SPAST: variants seen among roughly 807,000 people sequenced by gnomAD.
SPAST encodes spastin.
SPAST carries 30 observed loss-of-function variants against 76.6 expected under a neutral mutation model. The observed-to-expected ratio is 0.39, with a 90% CI of 0.29 to 0.53. The LOEUF (loss-of-function observed/expected upper bound fraction) is 0.53, where lower values mean the gene tolerates loss of function less well. Ranked by LOEUF, SPAST falls within the 20% of genes least tolerant of loss-of-function variation. The probability of loss-of-function intolerance (pLI) is 0.68; values close to 1 mark genes in which losing one functional copy is unlikely to be tolerated. For synonymous variants in SPAST, 305 were observed against 281.0 expected, an observed-to-expected ratio of 1.09 and a Z score of -0.86; for missense variants, 717 against 770.5, an observed-to-expected ratio of 0.93 and a Z score of 0.82.
chr2:32,082,856 C>G (rs1232555123), intron 1 of SPAST, among the ~76,000 whole-genome samples: 1 of 152,104 alleles, frequency 6.6e-6, no homozygotes, highest in African/African-American at 2.4e-5. Flanking sequence ...TAGTTTGTTT[C>G]TTTTTAATGC....
intron 12 of SPAST, among the ~76,000 whole-genome samples, chr2:32,138,344 A>G (rs186726216): frequency 5.8e-4 from 89 of 152,204 alleles, no homozygotes; most frequent in Admixed American, 5.7e-3. Context: ...TCTGTAGACA[A>G]TATGGGATTT....
chr2:32,077,558 G>A (rs978617241), intron 1 of SPAST, among the ~76,000 whole-genome samples: 6 of 152,036 alleles, frequency 3.9e-5, no homozygotes, highest in Non-Finnish European at 1.5e-5. Flanking sequence ...GGAGTTTGAC[G>A]CCCAGACAGA....
chr2:32,091,633 C>T (rs566802892), intron 3 of SPAST, among the ~76,000 whole-genome samples: 105 of 150,732 alleles, frequency 7.0e-4, no homozygotes, highest in African/African-American at 2.4e-3. Context: ...GAGATTGAGA[C>T]CATCCTGGCT....
Position 32,090,057 on chromosome 2 carries a change from C to G in SPAST, c.586+452C>G, listed in dbSNP as rs565329421. Among the ~76,000 whole-genome samples the G allele has an allele frequency of 5.3e-5, 8 of 152,358 alleles. No individual in the cohort carries two copies. The South Asian group carries it at 1.7e-3, about 32-fold the overall frequency. On this transcript the variant is annotated intron_variant, in intron 3 of 16. Transcript: ENST00000315285. ...GGAGTTACAGGCGTGAGCCAACGCG[C>G]CCAGCCGAGCATAATGAACTTCTAA... is the stretch of plus-strand genomic sequence containing the variant.
intron 12 of SPAST, among the ~76,000 whole-genome samples, chr2:32,139,455 G>A (rs1050949054): frequency 2.6e-5 from 4 of 152,158 alleles, no homozygotes; most frequent in Non-Finnish European, 5.9e-5. Flanking sequence ...CAAAAAATTA[G>A]TACCATTTCT....
At chr2:32,074,888 A>G (rs186223160) in intron 1 of SPAST, among the ~76,000 whole-genome samples, 34 of 152,246 alleles carry the variant, frequency 2.2e-4, no homozygotes, top group African/African-American at 7.5e-4. Context: ...AGTCCTGACC[A>G]TATAGGATCT....
rs1399404628 is a variant in SPAST, at chr2:32,156,513, C to A, written c.*2017C>A. On this transcript the variant is annotated 3_prime_UTR_variant, in exon 17 of 17. Transcript: ENST00000315285. ...CATATGTTAGGTGATGGGTAGTATC[C>A]CTTTAAGGTCTCAAACATTACAACA... is the stretch of plus-strand genomic sequence containing the variant. 6.6e-6 allele frequency: 1 copy of A among 151,442 alleles called. No individual in the cohort carries two copies. The highest frequency in any genetic ancestry group is 6.6e-5 in the Admixed American group (1 of 15,182). The allele number at this position is 151,442 out of a possible 1,614,324, so 9.4% of individuals were successfully genotyped here. A position where few individuals can be genotyped will look rare whatever the true frequency, so the allele number is the denominator to read the frequency against.
At position 32,155,492 on chromosome 2, in the gene SPAST, C is replaced by A. The variant is rs1680223490; in HGVS notation, c.*996C>A. Reference sequence around the variant, plus strand: ...AATTATAAGCAAGTGGAACTACCATCTTTTATTCTTAATAATTATTAATCC... The same window carrying A: ...AATTATAAGCAAGTGGAACTACCATATTTTATTCTTAATAATTATTAATCC... On this transcript the variant is annotated 3_prime_UTR_variant, in exon 17 of 17. Transcript: ENST00000315285. 2 of 152,572 alleles carry A rather than the reference C, an allele frequency of 1.3e-5. No homozygotes were observed. The highest frequency in any genetic ancestry group is 1.9e-4 in the East Asian group (1 of 5,188). The allele number at this position is 152,572 out of a possible 1,614,324, so 9.5% of individuals were successfully genotyped here.
intron 16 of SPAST, among the ~76,000 whole-genome samples, chr2:32,152,258 A>T (rs1299453548): frequency 6.6e-6 from 1 of 152,170 alleles, no homozygotes; most frequent in Non-Finnish European, 1.5e-5. Context: ...GTACAATTAC[A>T]TCAACATCTT....
intron 4 of SPAST, among the ~76,000 whole-genome samples, chr2:32,112,705 AT>A (rs1558322014): frequency 6.6e-6 from 1 of 152,114 alleles, no homozygotes; most frequent in Admixed American, 6.6e-5. Context: ...TGATTTTATA[AT>A]AGTTAACTTG....
chr2:32,083,928 G>C (rs1212254426), intron 1 of SPAST, among the ~76,000 whole-genome samples: 1 of 150,002 alleles, frequency 6.7e-6, no homozygotes, highest in East Asian at 2.0e-4. Context: ...ACAGACACAT[G>C]CCACCATGCC....
chr2:32,137,259 T>G, intron 12 of SPAST, 71 bp downstream of exon 12: 2 of 1,165,938 alleles, frequency 1.7e-6, no homozygotes, highest in African/African-American at 1.5e-5. Context: ...ATCTTACATA[T>G]TATTTCCTTA....
At chr2:32,077,883 A>G (rs1401412550) in intron 1 of SPAST, 2 of 152,274 alleles carry the variant, frequency 1.3e-5, no homozygotes, top group East Asian at 3.8e-4. Context: ...GTGTAATCCT[A>G]GCACTTTTGG....
At chr2:32,083,054 C>G (rs986871423) in intron 1 of SPAST, among the ~76,000 whole-genome samples, 1 of 152,032 alleles carries the variant, frequency 6.6e-6, no homozygotes, top group East Asian at 1.9e-4. Context: ...TCACTGCAAC[C>G]TCTGCCTCCC....
intron 9 of SPAST, among the ~76,000 whole-genome samples, chr2:32,131,671 CTTTTTT>C (rs541036416): frequency 2.8e-5 from 3 of 108,018 alleles, no homozygotes; most frequent in Non-Finnish European, 3.7e-5. Context: ...CAACCATTCT[CTTTTTT>C]TTTTTTTTTT....
intron 1 of SPAST, among the ~76,000 whole-genome samples, chr2:32,079,534 C>T (rs1315619770): frequency 6.6e-6 from 1 of 151,200 alleles, no homozygotes; most frequent in East Asian, 1.9e-4. Context: ...CGTTTTTTTC[C>T]AACTCATGTA....
chr2:32,074,079 G>A (rs1331250188), intron 1 of SPAST, among the ~76,000 whole-genome samples: 6 of 152,120 alleles, frequency 3.9e-5, no homozygotes, highest in African/African-American at 1.2e-4. Context: ...CATAGTAAAG[G>A]GTGTTAGGAA....
intron 1 of SPAST, among the ~76,000 whole-genome samples, chr2:32,084,887 CAAAAAAAAAAAAA>C (rs34046587): frequency 1.2e-5 from 1 of 81,570 alleles, no homozygotes; most frequent in Admixed American, 1.6e-4. Context: ...GACTCCGTCT[CAAAAAAAAAAAAA>C]AAAAAAAAAA....
At chr2:32,096,067 A>C (rs984332980) in intron 3 of SPAST, among the ~76,000 whole-genome samples, 4 of 152,224 alleles carry the variant, frequency 2.6e-5, no homozygotes, top group Admixed American at 2.6e-4. Context: ...CAGCAAAGTT[A>C]CTGCTTTAAT....
Sources: gnomAD v4.1 joint callset for allele counts (sites outside exome capture counted in the v4.1 genomes callset) on GRCh38, gnomAD v4.1.1 for gene constraint, MANE v1.5 for transcripts, NCBI Gene and HGNC (gene_info 2026-07-23, HGNC 2026-07-21) for gene names.